Variants in NEDD1 observed in about 807,000 individuals in gnomAD.
The protein encoded by NEDD1 is protein NEDD1.
In NEDD1, 33 loss-of-function variants were observed where a neutral mutation model predicts 74.0. The ratio of observed to expected loss-of-function variants is 0.45; its 90% CI spans 0.34 to 0.60. The LOEUF (loss-of-function observed/expected upper bound fraction) is 0.60. Ranked by LOEUF, NEDD1 falls within the 20% of genes least tolerant of loss-of-function variation. NEDD1 has a pLI of 0.01. For missense variants in NEDD1, 746 were observed against 776.5 expected, an observed-to-expected ratio of 0.96 and a Z score of 0.47; for synonymous variants, 250 against 264.4, an observed-to-expected ratio of 0.95 and a Z score of 0.53.
intron 14 of NEDD1, among the ~76,000 whole-genome samples, chr12:96,951,067 A>G (rs1350179764): frequency 6.6e-6 from 1 of 151,882 alleles, no homozygotes. Context: ...TTCTATATAA[A>G]GGAATATAGT....
intron 6 of NEDD1, among the ~76,000 whole-genome samples, chr12:96,925,237 T>TC (rs1181340973): frequency 6.6e-6 from 1 of 152,092 alleles, no homozygotes; most frequent in African/African-American, 2.4e-5. Flanking sequence ...TGAGGAAAAG[T>TC]CCAAGTTATT....
intron 6 of NEDD1, among the ~76,000 whole-genome samples, chr12:96,923,945 T>C (rs1465871696): frequency 6.6e-6 from 1 of 152,164 alleles, no homozygotes; most frequent in African/African-American, 2.4e-5. Context: ...TTGTGTTCTC[T>C]TGAAGAATCT....
chr12:96,928,841 C>T (rs1337225358), intron 6 of NEDD1, among the ~76,000 whole-genome samples: 4 of 151,710 alleles, frequency 2.6e-5, no homozygotes, highest in African/African-American at 9.7e-5. Context: ...CGCCTGCTAC[C>T]ACGCCTGGCT....
intron 6 of NEDD1, among the ~76,000 whole-genome samples, chr12:96,922,448 A>G (rs1875206176): frequency 1.3e-5 from 2 of 152,126 alleles, no homozygotes; most frequent in Admixed American, 6.5e-5. Flanking sequence ...TAAATTTTGG[A>G]CTGACTTTTC....
rs984766797 is a variant in NEDD1, at chr12:96,952,503, T to C, written c.*450T>C. ...AGTAATTTTAAAATGGCAATTGGTG[T>C]TTCTAAGCCATTGACTAATAAAACA... On this transcript the variant is annotated 3_prime_UTR_variant, in exon 16 of 16. Transcript: ENST00000266742. 5 of 152,544 alleles carry C rather than the reference T, an allele frequency of 3.3e-5. No individual in the cohort carries two copies. The highest frequency in any genetic ancestry group is 1.2e-4 in the African/African-American group (5 of 41,432). 9.4% of individuals were successfully genotyped at this position (152,544 alleles called of 1,614,324 possible).
intron 6 of NEDD1, among the ~76,000 whole-genome samples, chr12:96,929,836 CA>C (rs1444560243): frequency 2.0e-5 from 3 of 152,054 alleles, no homozygotes; most frequent in African/African-American, 4.8e-5. Context: ...GACCTTCCTG[CA>C]AACCTGTAGC....
chr12:96,917,763 T>A (rs4762339), intron 5 of NEDD1, 26 bp downstream of exon 5: 2 of 1,535,426 alleles, frequency 1.3e-6, no homozygotes, highest in East Asian at 2.5e-5. Flanking sequence ...AAAATCTTCA[T>A]GAAAAAATGG....
chr12:96,920,271 G>A (rs1874926930), intron 6 of NEDD1, 146 bp downstream of exon 6: 3 of 498,446 alleles, frequency 6.0e-6, no homozygotes, highest in African/African-American at 2.0e-5. Flanking sequence ...TATTCAGATA[G>A]CAAGCTAATT....
intron 6 of NEDD1, among the ~76,000 whole-genome samples, chr12:96,932,487 T>TATATATATATATATATATAA (rs1300455459): frequency 4.0e-5 from 3 of 75,052 alleles, no homozygotes; most frequent in Admixed American, 3.6e-4. Context: ...TATATATATA[T>TATATATATATATATATATAA]AAAATGCACA....
intron 6 of NEDD1, among the ~76,000 whole-genome samples, chr12:96,931,820 A>C (rs562326278): frequency 2.6e-5 from 4 of 152,244 alleles, no homozygotes; most frequent in African/African-American, 9.6e-5. Flanking sequence ...CACACAGAAA[A>C]ATACTTAAAG....
At chr12:96,946,269 T>C (rs1412345942) in intron 14 of NEDD1, among the ~76,000 whole-genome samples, 1 of 151,896 alleles carries the variant, frequency 6.6e-6, no homozygotes, top group East Asian at 1.9e-4. Flanking sequence ...TGCATCAGAA[T>C]GTAATACTTA....
Position 96,951,826 on chromosome 12 carries a change from A to G in NEDD1, c.1879-123A>G, listed in dbSNP as rs113848947. ...ACAAACTAGTAAGTTGTTAAGTACA[A>G]GAAATATCATTCACCTAGTTAATTG... On this transcript the variant is annotated intron_variant, in intron 15 of 15. Transcript: ENST00000266742. 9.4e-3 allele frequency: 5,791 copies of G among 618,366 alleles called. 60 individuals carry two copies. Among genetic ancestry groups the G allele is most frequent in the South Asian group, 0.037 (1,806 of 49,186 alleles). 38.3% of individuals were successfully genotyped at this position (618,366 alleles called of 1,614,324 possible).
chr12:96,909,011 T>C (rs957085521), intron 2 of NEDD1, among the ~76,000 whole-genome samples: 19 of 152,036 alleles, frequency 1.2e-4, no homozygotes, highest in Middle Eastern at 3.4e-3. Context: ...ACCCCGTCTC[T>C]ACTAAAAATA....
chr12:96,945,748 A>C lies in NEDD1; in HGVS notation c.1710A>C (p.Lys570Asn). 6.2e-7 allele frequency: 1 copy of C among 1,608,206 alleles called. No homozygotes were observed. Among genetic ancestry groups the C allele is most frequent in the Non-Finnish European group, 8.5e-7 (1 of 1,174,618 alleles). The part of the protein sequence containing the change: ...TAGVASSLSE[K>N]IADSIGNNRQ... ...GAGTTGCCAGTTCACTCTCAGAAAA[A>C]ATAGCCGACAGCATTGGAAATAACC... is the stretch of plus-strand genomic sequence containing the variant. The change falls in exon 14 of 16, where the codon AAA (lysine) becomes AAC (asparagine). Residue 570 changes from lysine to asparagine, a missense_variant. Around this residue, in one of 3 missense-constraint regions of NEDD1, gnomAD observed 706 missense variants for 706.7 expected, o/e 1.00. Coordinates refer to ENST00000266742, the MANE Select transcript of NEDD1 (RefSeq NM_152905.4).
At chr12:96,948,864 C>A (rs1156512077) in intron 14 of NEDD1, among the ~76,000 whole-genome samples, 2 of 152,184 alleles carry the variant, frequency 1.3e-5, no homozygotes, top group Non-Finnish European at 2.9e-5. Context: ...GCCAGCATCA[C>A]AAGACTTCCA....
intron 6 of NEDD1, among the ~76,000 whole-genome samples, chr12:96,921,672 TTC>T (rs757519601): frequency 6.6e-6 from 1 of 151,414 alleles, no homozygotes; most frequent in South Asian, 2.1e-4. Context: ...ATTTTTTTTT[TTC>T]TTTCTTAGAG....
At chr12:96,909,975 T>C (rs1873745244) in intron 3 of NEDD1, 80 bp downstream of exon 3, 1 of 1,480,200 alleles carries the variant, frequency 6.8e-7, no homozygotes, top group Non-Finnish European at 9.1e-7. Flanking sequence ...AATGAAACTT[T>C]TGCATGTGCC....
intron 3 of NEDD1, among the ~76,000 whole-genome samples, chr12:96,911,055 A>G (rs1475951248): frequency 1.3e-5 from 2 of 152,214 alleles, no homozygotes; most frequent in Non-Finnish European, 2.9e-5. Context: ...CAGTAAAACA[A>G]ATTACTTTGG....
chr12:96,910,794 T>C (rs990180104), intron 3 of NEDD1, among the ~76,000 whole-genome samples: 2 of 152,248 alleles, frequency 1.3e-5, no homozygotes, highest in African/African-American at 4.8e-5. Context: ...ATGTAATTGG[T>C]ATGTTAGAAA....
Sources: gnomAD v4.1 joint callset for allele counts (sites outside exome capture counted in the v4.1 genomes callset) on GRCh38, gnomAD v4.1.1 for gene constraint, gnomAD v4.1.1 regional missense constraint, MANE v1.5 for transcripts, NCBI Gene and HGNC (gene_info 2026-07-23, HGNC 2026-07-21) for gene names.